Variants in FGF14 observed in about 807,000 individuals in gnomAD.
FGF14 encodes the protein fibroblast growth factor 14, also known as fibroblast growth factor homologous factor 4.
A neutral mutation model predicts 25.5 loss-of-function variants in FGF14; 5 were observed. The observed-to-expected ratio is 0.20, with a 90% CI of 0.10 to 0.41. FGF14 has a LOEUF of 0.41. Among genes scored for constraint, FGF14 ranks in the 10% least tolerant of loss-of-function variants. FGF14 has a pLI of 1.00. For missense variants in FGF14, 222 were observed against 320.1 expected (o/e 0.69, Z 2.34); for synonymous variants, 138 against 118.3 (o/e 1.17, Z -1.08).
At chr13:102,167,901 T>C (rs901120001) in intron 1 of FGF14, among the ~76,000 whole-genome samples, 11 of 151,190 alleles carry the variant, frequency 7.3e-5, no homozygotes, top group Non-Finnish European at 1.6e-4. Flanking sequence ...GATGGATCAA[T>C]AAAAACAAAT....
At chr13:102,089,075 A>T (rs973641) in intron 1 of FGF14, among the ~76,000 whole-genome samples, 4,961 of 152,320 alleles carry the variant, frequency 0.033, 274 homozygotes, top group East Asian at 0.26. Flanking sequence ...ATAGATACAG[A>T]ATTCAGAATA....
Position 101,916,747 on chromosome 13 carries a change from G to T in FGF14, c.-102C>A. ...GGCGCAGACCGTGGCTCGCCCTCGG[G>T]GCAGAGGAGGGGGTGCCAGGCGGGA... On this transcript the variant is annotated 5_prime_UTR_variant, in exon 1 of 5. Coordinates refer to ENST00000376143, the MANE Select transcript of FGF14 (RefSeq NM_004115.4). 1 of 1,027,158 alleles carries T rather than the reference G, an allele frequency of 9.7e-7. No individual in the cohort carries two copies. The highest frequency in any genetic ancestry group is 1.4e-6 in the Non-Finnish European group (1 of 729,434). The allele number at this position is 1,027,158 out of a possible 1,614,324, so 63.6% of individuals were successfully genotyped here. A position where few individuals can be genotyped will look rare whatever the true frequency, so the allele number is the denominator to read the frequency against.
At chr13:101,962,973 G>A (rs1307323387) in intron 1 of FGF14, among the ~76,000 whole-genome samples, 1 of 152,224 alleles carries the variant, frequency 6.6e-6, no homozygotes, top group African/African-American at 2.4e-5. Flanking sequence ...ATCTTCCGTA[G>A]AACTGCCATA....
chr13:102,123,724 T>C (rs1477709886), intron 1 of FGF14, among the ~76,000 whole-genome samples: 1 of 152,170 alleles, frequency 6.6e-6, no homozygotes, highest in African/African-American at 2.4e-5. Flanking sequence ...AATAAGTGAT[T>C]CTTGACCCCC....
At chr13:102,020,271 G>A (rs569843994) in intron 1 of FGF14, among the ~76,000 whole-genome samples, 5 of 142,940 alleles carry the variant, frequency 3.5e-5, no homozygotes, top group East Asian at 1.9e-4. Context: ...GAGAATAGGC[G>A]GGTATGGTGG....
chr13:102,293,905 T>C (rs2141279218), intron 1 of FGF14: 1 of 152,310 alleles, frequency 6.6e-6, no homozygotes, highest in African/African-American at 2.4e-5. Context: ...CTAGCAGCAC[T>C]TGATTCAGAA....
intron 3 of FGF14, among the ~76,000 whole-genome samples, chr13:101,799,037 A>C (rs1009945246): frequency 6.6e-5 from 10 of 152,162 alleles, no homozygotes; most frequent in Non-Finnish European, 1.5e-4. Context: ...ATTGCCTCAT[A>C]CATATACGGT....
intron 1 of FGF14, among the ~76,000 whole-genome samples, chr13:102,187,901 G>A (rs1375456598): frequency 6.6e-6 from 1 of 152,088 alleles, no homozygotes. Flanking sequence ...CACATATAAT[G>A]GGTAAATGAT....
intron 3 of FGF14, among the ~76,000 whole-genome samples, chr13:101,743,210 G>A (rs1371914400): frequency 6.6e-6 from 1 of 152,094 alleles, no homozygotes. Context: ...TTTAACCTTG[G>A]AAAAATATAC....
chr13:101,842,350 G>T (rs936544352), intron 3 of FGF14, among the ~76,000 whole-genome samples: 6 of 151,894 alleles, frequency 4.0e-5, no homozygotes, highest in African/African-American at 1.5e-4. Flanking sequence ...CTTTTTATAA[G>T]GTCAAGCTTC....
intron 1 of FGF14, among the ~76,000 whole-genome samples, chr13:102,133,591 T>C (rs2046291346): frequency 6.6e-6 from 1 of 152,206 alleles, no homozygotes; most frequent in Non-Finnish European, 1.5e-5. Flanking sequence ...AGGAAAAATA[T>C]TCATTCTAAT....
intron 3 of FGF14, among the ~76,000 whole-genome samples, chr13:101,863,720 A>C (rs554340519): frequency 7.2e-5 from 11 of 152,284 alleles, no homozygotes; most frequent in African/African-American, 2.4e-4. Context: ...AAAACAGAGC[A>C]GTTGTATTTC....
Position 101,802,837 on chromosome 13 carries a change from G to A in FGF14, c.408+65888C>T, listed in dbSNP as rs180933079. 2.9e-3 allele frequency among the ~76,000 whole-genome samples: 446 copies of A among 152,214 alleles called. 3 individuals carry two copies. Among genetic ancestry groups the A allele is most frequent in the African/African-American group, 0.01 (416 of 41,538 alleles). On this transcript the variant is annotated intron_variant, in intron 3 of 4. Transcript: ENST00000376143. ...TGGGCTAGAAATCCTGAGGTGTCAG[G>A]TGTACATACATATCTTTTGTAAAAA...
Position 102,127,410 on chromosome 13 carries a change from A to G in FGF14, c.209-252114T>C, listed in dbSNP as rs534690236. Reference sequence around the variant, plus strand: ...ATATCAGAAAAACCAATGAACTTGGAAAAGTGTACACAACCACTAAGTTGT... The same window carrying G: ...ATATCAGAAAAACCAATGAACTTGGGAAAGTGTACACAACCACTAAGTTGT... On this transcript the variant is annotated intron_variant, in intron 1 of 4. Transcript: ENST00000376131. Among the ~76,000 whole-genome samples, 6 of 152,300 alleles carry G rather than the reference A, an allele frequency of 3.9e-5. No individual in the cohort carries two copies. The East Asian group carries it at 1.2e-3, about 29-fold the overall frequency.
chr13:101,805,731 C>A (rs1594314291), intron 3 of FGF14, among the ~76,000 whole-genome samples: 1 of 152,020 alleles, frequency 6.6e-6, no homozygotes, highest in East Asian at 1.9e-4. Flanking sequence ...ACATTCTGAC[C>A]ACCCCCCTTC....
chr13:102,399,186 C>T (rs760705480), intron 1 of FGF14, among the ~76,000 whole-genome samples: 1 of 151,790 alleles, frequency 6.6e-6, no homozygotes, highest in Non-Finnish European at 1.5e-5. Context: ...GATTGTGACT[C>T]GTGTATAGGG....
chr13:101,868,961 CTT>C, intron 2 of FGF14, 133 bp from the exon 3 acceptor site: 1 of 699,858 alleles, frequency 1.4e-6, no homozygotes, highest in Non-Finnish European at 2.6e-6. Context: ...AATTAAATAA[CTT>C]ATATTTTGCT....
chr13:102,296,227 C>CT (rs368841822), intron 1 of FGF14, among the ~76,000 whole-genome samples: 29 of 152,172 alleles, frequency 1.9e-4, no homozygotes, highest in African/African-American at 5.5e-4. Context: ...CTAGAGATCT[C>CT]TTTGTGTTCT....
chr13:102,188,467 C>T (rs963660327), intron 1 of FGF14, among the ~76,000 whole-genome samples: 9 of 152,164 alleles, frequency 5.9e-5, no homozygotes, highest in Non-Finnish European at 1.5e-5. Flanking sequence ...GCTGTAATTT[C>T]CTCTTATGTG....
Sources: gnomAD v4.1 joint callset for allele counts (sites outside exome capture counted in the v4.1 genomes callset) on GRCh38, gnomAD v4.1.1 for gene constraint, MANE v1.5 for transcripts, NCBI Gene and HGNC (gene_info 2026-07-23, HGNC 2026-07-21) for gene names.